The following NDUFB9 variants were observed in gnomAD, a reference collection of about 807,000 sequenced individuals.
NDUFB9 encodes the protein NADH:ubiquinone oxidoreductase subunit B9.
Under a neutral mutation model 30.2 loss-of-function variants are expected in NDUFB9, and 24 were observed. The ratio of observed to expected loss-of-function variants is 0.80; its 90% CI spans 0.58 to 1.12. NDUFB9 has a LOEUF of 1.12. Ranked by LOEUF, NDUFB9 falls within the 50% of genes most tolerant of loss-of-function variation. The probability of loss-of-function intolerance (pLI) is 0.00; values close to 1 mark genes in which losing one functional copy is unlikely to be tolerated. For synonymous variants in NDUFB9, 80 were observed against 84.0 expected (o/e 0.95, Z 0.26); for missense variants, 204 against 226.0 (o/e 0.90, Z 0.62).
chr8:124,539,617 A>G (rs72713101), intron 1 of NDUFB9, among the ~76,000 whole-genome samples: 12,095 of 152,246 alleles, frequency 0.079, 736 homozygotes, highest in South Asian at 0.29. Flanking sequence ...CGCTCGCTCA[A>G]TCGTTTTCTT....
At chr8:124,549,663 C>A in intron 3 of NDUFB9, 98 bp from the exon 4 acceptor site, 1 of 1,122,198 alleles carries the variant, frequency 8.9e-7, no homozygotes, top group Non-Finnish European at 1.4e-6. Flanking sequence ...ATGTCAGTGA[C>A]ACACCATAGA....
chr8:124,549,722 GAT>G, intron 3 of NDUFB9, 37 bp from the exon 4 acceptor site: 1 of 1,599,762 alleles, frequency 6.3e-7, no homozygotes, highest in Non-Finnish European at 8.6e-7. Context: ...TAGTCAATTA[GAT>G]TCCTTTGGTA....
chr8:124,548,394 G>T (rs1260830001), intron 3 of NDUFB9, among the ~76,000 whole-genome samples: 3 of 152,230 alleles, frequency 2.0e-5, no homozygotes, highest in Non-Finnish European at 4.4e-5. Flanking sequence ...AGACTTGTGT[G>T]ATAGCTTCCT....
At chr8:124,541,476 C>T (rs150900969) in intron 1 of NDUFB9, among the ~76,000 whole-genome samples, 126 of 152,314 alleles carry the variant, frequency 8.3e-4, no homozygotes, top group African/African-American at 2.9e-3. Context: ...CATTATTTAA[C>T]ACTTGGGATG....
chr8:124,546,810 A>G (rs1483031041), intron 2 of NDUFB9, 190 bp from the exon 3 acceptor site: 1 of 631,666 alleles, frequency 1.6e-6, no homozygotes, highest in Middle Eastern at 4.2e-4. Flanking sequence ...CTTTGACTCT[A>G]AGGTGTTTTC....
chr8:124,547,492 T>C (rs902970290), intron 3 of NDUFB9: 18 of 539,422 alleles, frequency 3.3e-5, no homozygotes, highest in Non-Finnish European at 5.3e-5. Flanking sequence ...GTGTGAAGAA[T>C]ATATTGGAGA....
chr8:124,546,795 A>G, intron 2 of NDUFB9: 1 of 605,256 alleles, frequency 1.7e-6, no homozygotes, highest in Non-Finnish European at 2.9e-6. Flanking sequence ...ATTTTTCAGC[A>G]CAGTCTTTGA....
intron 3 of NDUFB9, chr8:124,547,487 A>T (rs1373442001): frequency 1.1e-5 from 6 of 554,382 alleles, no homozygotes; most frequent in African/African-American, 1.9e-5. Context: ...CTGTAGTGTG[A>T]AGAATATATT....
At chr8:124,539,618 T>A (rs1821846247) in intron 1 of NDUFB9, among the ~76,000 whole-genome samples, 1 of 152,222 alleles carries the variant, frequency 6.6e-6, no homozygotes, top group African/African-American at 2.4e-5. Flanking sequence ...GCTCGCTCAA[T>A]CGTTTTCTTC....
chr8:124,544,430 C>G lies in NDUFB9; in HGVS notation c.294+1151C>G, dbSNP rs180711591. Among the ~76,000 whole-genome samples, 125 of 152,290 alleles carry G rather than the reference C, an allele frequency of 8.2e-4. 1 individual carries two copies. The highest frequency in any genetic ancestry group is 1.8e-4 in the Non-Finnish European group (12 of 68,018). On this transcript the variant is annotated intron_variant, in intron 2 of 3. Transcript: ENST00000276689. ...CAGATTTTCAGTGGAGATGAAGTAG[C>G]CTTTTTTTGGAATAAGATACCATGT...
Position 124,539,123 on chromosome 8 carries a change from A to G in NDUFB9, c.-64A>G, listed in dbSNP as rs34681068. 195,707 of 1,612,478 alleles carry G rather than the reference A, an allele frequency of 0.12. 13,176 individuals carry two copies. The highest frequency in any genetic ancestry group is 0.14 in the Non-Finnish European group (161,066 of 1,178,580). On this transcript the variant is annotated 5_prime_UTR_variant, in exon 1 of 4. Transcript: ENST00000276689. The stretch of plus-strand genomic sequence containing the variant: ...TCCGCCCTTCCGGCTGGCCCCGCTC[A>G]GTCACCCGCAGCAGGCGTGCAGTTT...
intron 1 of NDUFB9, 58 bp from the exon 2 acceptor site, chr8:124,543,029 C>T (rs1260598904): frequency 6.3e-7 from 1 of 1,575,534 alleles, no homozygotes; most frequent in Non-Finnish European, 8.7e-7. Context: ...TGTCAGACAG[C>T]AACACTGACC....
At chr8:124,543,573 C>A (rs1822079462) in intron 2 of NDUFB9, among the ~76,000 whole-genome samples, 1 of 152,182 alleles carries the variant, frequency 6.6e-6, no homozygotes, top group Admixed American at 6.5e-5. Context: ...TTTGGCAATT[C>A]TTGCAATATT....
chr8:124,546,767 T>C, intron 2 of NDUFB9: 1 of 583,672 alleles, frequency 1.7e-6, no homozygotes, highest in South Asian at 2.0e-5. Context: ...CAGTTCTCCT[T>C]GGACTGATGA....
In NDUFB9 at chr8:124,549,804, C is replaced by T; in HGVS notation, c.452C>T (p.Thr151Ile). 1.2e-6 allele frequency: 2 copies of T among 1,614,176 alleles called. No individual in the cohort carries two copies. The highest frequency in any genetic ancestry group is 1.7e-6 in the Non-Finnish European group (2 of 1,180,032). Residue 151 changes from threonine (T) to isoleucine (I), a missense_variant, in exon 4 of 4, where the codon ACT (threonine) becomes ATT (isoleucine). Coordinates refer to ENST00000276689, the MANE Select transcript of NDUFB9 (RefSeq NM_005005.3). ...GAAACGCCACCTGGTGGTCCTTTAA[C>T]TGAAGCTTTGCCCCCTGCCCGAAAG... ...QEETPPGGPL[T>I]EALPPARKEG... is the part of the protein sequence containing the mutation.
intron 3 of NDUFB9, among the ~76,000 whole-genome samples, chr8:124,548,103 C>T (rs938351739): frequency 5.9e-5 from 9 of 152,068 alleles, no homozygotes; most frequent in Admixed American, 5.2e-4. Context: ...GAGCAGCAAT[C>T]GAGAATTCAT....
intron 2 of NDUFB9, 26 bp from the exon 3 acceptor site, chr8:124,546,974 G>T: frequency 6.6e-7 from 1 of 1,513,480 alleles, no homozygotes; most frequent in Non-Finnish European, 9.2e-7. Context: ...CCTGTGGATT[G>T]ATACCATGAT....
At chr8:124,549,066 C>T (rs907835460) in intron 3 of NDUFB9, among the ~76,000 whole-genome samples, 1 of 152,216 alleles carries the variant, frequency 6.6e-6, no homozygotes, top group African/African-American at 2.4e-5. Context: ...GTGCATTCTG[C>T]AATTGATCAC....
At chr8:124,543,495 G>A (rs188597929) in intron 2 of NDUFB9, among the ~76,000 whole-genome samples, 51 of 152,260 alleles carry the variant, frequency 3.3e-4, no homozygotes, top group African/African-American at 1.2e-3. Flanking sequence ...TGGCAACCCC[G>A]TGCTGAGCAA....
Sources: allele counts gnomAD v4.1 joint callset (sites outside exome capture counted in the v4.1 genomes callset), GRCh38; gene constraint gnomAD v4.1.1; transcripts MANE v1.5; gene names NCBI Gene and HGNC (gene_info 2026-07-23, HGNC 2026-07-21).